ABHD12: variants seen among roughly 807,000 people sequenced by gnomAD.
ABHD12 encodes the protein lysophosphatidylserine lipase ABHD12.
Under a neutral mutation model 58.3 loss-of-function variants are expected in ABHD12, and 43 were observed. The ratio of observed to expected loss-of-function variants is 0.74; its 90% CI spans 0.58 to 0.95. The LOEUF (loss-of-function observed/expected upper bound fraction) is 0.95. Among genes scored for constraint, ABHD12 ranks in the 40% least tolerant of loss-of-function variants. The probability of loss-of-function intolerance (pLI) is 0.00; values close to 1 mark genes in which losing one functional copy is unlikely to be tolerated. For missense variants in ABHD12, 539 were observed against 537.2 expected (o/e 1.00, Z -0.03); for synonymous variants, 219 against 211.2 (o/e 1.04, Z -0.32).
intron 1 of ABHD12, among the ~76,000 whole-genome samples, chr20:25,352,542 G>T (rs1451153649): frequency 1.3e-5 from 2 of 151,964 alleles, no homozygotes; most frequent in Non-Finnish European, 2.9e-5. Context: ...TACCCACCTC[G>T]GCCTCCCAAA....
chr20:25,345,374 CGCGCCTGGCCGAT>C (rs1359473452), intron 1 of ABHD12, among the ~76,000 whole-genome samples: 1 of 152,070 alleles, frequency 6.6e-6, no homozygotes, highest in Non-Finnish European at 1.5e-5. Flanking sequence ...CTTGAGCCAC[CGCGCCTGGCCGAT>C]GAAGACTTCT....
At chr20:25,349,572 G>A (rs545843142) in intron 1 of ABHD12, among the ~76,000 whole-genome samples, 1 of 152,162 alleles carries the variant, frequency 6.6e-6, no homozygotes, top group East Asian at 1.9e-4. Flanking sequence ...GCCATAAAAA[G>A]AATGAAATTT....
At chr20:25,350,168 T>C (rs192841767) in intron 1 of ABHD12, among the ~76,000 whole-genome samples, 8 of 152,230 alleles carry the variant, frequency 5.3e-5, no homozygotes, top group Admixed American at 2.0e-4. Context: ...AAGCAAAACA[T>C]AGCAGTAAAA....
At chr20:25,331,176 T>G (rs1394058916) in intron 2 of ABHD12, among the ~76,000 whole-genome samples, 1 of 151,908 alleles carries the variant, frequency 6.6e-6, no homozygotes, top group Non-Finnish European at 1.5e-5. Flanking sequence ...TGCAGAAACC[T>G]CAGGAGCCAA....
In ABHD12 at chr20:25,300,949, C is replaced by T; in HGVS notation, c.1158-65G>A. 1.3e-6 allele frequency: 2 copies of T among 1,519,540 alleles called. 1 individual carries two copies. Among genetic ancestry groups the T allele is most frequent in the South Asian group, 2.3e-5 (2 of 87,138 alleles). 94.1% of individuals were successfully genotyped at this position (1,519,540 alleles called of 1,614,324 possible). A position where few individuals can be genotyped will look rare whatever the true frequency, so the allele number is the denominator to read the frequency against. ...AGACCAAAGATCCTTCTCCACAGTC[C>T]TCACACTGCTATCTAAGGAAGCAGA... On this transcript the variant is annotated intron_variant, in intron 12 of 12. Transcript: ENST00000339157.
chr20:25,379,449 C>T (rs1266945202), intron 1 of ABHD12, among the ~76,000 whole-genome samples: 1 of 152,162 alleles, frequency 6.6e-6, no homozygotes, highest in East Asian at 1.9e-4. Context: ...CCTTCACCCA[C>T]AAATAGATCA....
At chr20:25,333,904 G>C (rs944816929) in intron 2 of ABHD12, among the ~76,000 whole-genome samples, 3 of 152,194 alleles carry the variant, frequency 2.0e-5, no homozygotes, top group African/African-American at 7.2e-5. Flanking sequence ...GCAGAAGACA[G>C]GGATGCCCTC....
At chr20:25,388,779 G>C (rs984857936) in intron 1 of ABHD12, among the ~76,000 whole-genome samples, 10 of 124,050 alleles carry the variant, frequency 8.1e-5, no homozygotes, top group Non-Finnish European at 1.5e-4. Context: ...AAAACAATTT[G>C]ATTTTTTCTT....
At chr20:25,385,779 A>T (rs1002429435) in intron 1 of ABHD12, among the ~76,000 whole-genome samples, 1 of 152,202 alleles carries the variant, frequency 6.6e-6, no homozygotes, top group Non-Finnish European at 1.5e-5. Context: ...CAAATAATTT[A>T]AAAAATTCTT....
intron 4 of ABHD12, among the ~76,000 whole-genome samples, chr20:25,318,901 C>T (rs112642904): frequency 0.011 from 1,672 of 152,318 alleles, 25 homozygotes; most frequent in African/African-American, 0.031. Context: ...AACCGCTTCA[C>T]GGGCCATGCC....
intron 1 of ABHD12, among the ~76,000 whole-genome samples, chr20:25,387,488 G>A (rs1176729399): frequency 4.0e-5 from 6 of 149,058 alleles, no homozygotes; most frequent in East Asian, 2.0e-4. Flanking sequence ...GGCCTGGCAC[G>A]GTATTTCATA....
In ABHD12 at chr20:25,308,443, A is replaced by C. The variant is rs2088787400; in HGVS notation, c.787+14T>G. The C allele has an allele frequency of 6.2e-7, 1 of 1,610,870 alleles. No homozygotes were observed. The highest frequency in any genetic ancestry group is 8.5e-7 in the Non-Finnish European group (1 of 1,178,824). ...ATGCTCACTGCCACGGCTGGGGCCC[A>C]ACAAGGCACTCACCTCGCTCACAGA... is the stretch of plus-strand genomic sequence containing the variant. On this transcript the variant is annotated intron_variant, in intron 8 of 12. Coordinates refer to ENST00000339157, the MANE Select transcript of ABHD12 (RefSeq NM_001042472.3).
At chr20:25,376,875 G>A (rs931073363) in intron 1 of ABHD12, among the ~76,000 whole-genome samples, 2 of 152,190 alleles carry the variant, frequency 1.3e-5, no homozygotes, top group Admixed American at 6.5e-5. Flanking sequence ...TATCCAGAGG[G>A]AGTTTCACTT....
chr20:25,300,120 A>T, downstream of ABHD12: 1 of 868,142 alleles, frequency 1.2e-6, no homozygotes, highest in South Asian at 5.3e-5. Context: ...TGAGTCATGG[A>T]GTGGCTCCAA....
chr20:25,318,431 C>T (rs1459622918), intron 4 of ABHD12, among the ~76,000 whole-genome samples: 1 of 152,200 alleles, frequency 6.6e-6, no homozygotes, highest in African/African-American at 2.4e-5. Flanking sequence ...AAATTTCCTA[C>T]ATTAAGCAAA....
chr20:25,384,183 G>A (rs2090058814), intron 1 of ABHD12, among the ~76,000 whole-genome samples: 1 of 150,216 alleles, frequency 6.7e-6, no homozygotes, highest in Non-Finnish European at 1.5e-5. Context: ...CATTTGCCCA[G>A]TACCTCCTCA....
At chr20:25,362,592 A>G (rs1454501091) in intron 1 of ABHD12, among the ~76,000 whole-genome samples, 2 of 86,054 alleles carry the variant, frequency 2.3e-5, no homozygotes, top group Non-Finnish European at 4.6e-5. Context: ...GCAGGGGAGG[A>G]CAGGGGAGGG....
At chr20:25,318,458 G>A (rs1346503304) in intron 4 of ABHD12, among the ~76,000 whole-genome samples, 1 of 152,196 alleles carries the variant, frequency 6.6e-6, no homozygotes, top group African/African-American at 2.4e-5. Flanking sequence ...ACAGTTGCTG[G>A]GAATCCAGGG....
chr20:25,323,652 AG>A (rs2089122070), intron 2 of ABHD12, among the ~76,000 whole-genome samples: 2 of 152,212 alleles, frequency 1.3e-5, no homozygotes, highest in Admixed American at 1.3e-4. Context: ...AGCCTCAGGC[AG>A]GGTATGGGCT....
Sources: gnomAD v4.1 joint callset for allele counts (sites outside exome capture counted in the v4.1 genomes callset) on GRCh38, gnomAD v4.1.1 for gene constraint, MANE v1.5 for transcripts, NCBI Gene and HGNC (gene_info 2026-07-23, HGNC 2026-07-21) for gene names.